Variants in FHIT observed in about 807,000 individuals in gnomAD.
FHIT encodes the protein fragile histidine triad diadenosine triphosphatase.
Under a neutral mutation model 17.9 loss-of-function variants are expected in FHIT, and 19 were observed. The observed-to-expected ratio is 1.06, with a 90% CI of 0.74 to 1.56. The LOEUF (loss-of-function observed/expected upper bound fraction) is 1.56, where lower values mean the gene tolerates loss of function less well. Among genes scored for constraint, FHIT ranks in the 40% most tolerant of loss-of-function variants. The pLI, the probability that FHIT is intolerant of heterozygous loss-of-function variation, is 0.00. For missense variants in FHIT, 248 were observed against 189.2 expected (o/e 1.31, Z -1.82); for synonymous variants, 81 against 69.7 (o/e 1.16, Z -0.81).
At chr3:61,044,529 G>GA (rs1333829092) in intron 2 of FHIT, among the ~76,000 whole-genome samples, 15 of 152,052 alleles carry the variant, frequency 9.9e-5, no homozygotes, top group African/African-American at 3.6e-4. Flanking sequence ...AAAGTGATGA[G>GA]GAGAATGGAA....
intron 3 of FHIT, among the ~76,000 whole-genome samples, chr3:60,994,737 A>T (rs2030526539): frequency 6.6e-6 from 1 of 152,198 alleles, no homozygotes; most frequent in Non-Finnish European, 1.5e-5. Context: ...ACCAATAAAA[A>T]GATGGATAGA....
At chr3:60,875,346 A>G (rs6791272) in intron 3 of FHIT, among the ~76,000 whole-genome samples, 36,225 of 151,928 alleles carry the variant, frequency 0.24, 4,794 homozygotes, top group African/African-American at 0.33. Flanking sequence ...TGACTATCCT[A>G]CTCCCACTTT....
intron 4 of FHIT, among the ~76,000 whole-genome samples, chr3:60,618,956 A>G (rs1388765232): frequency 3.3e-5 from 5 of 151,886 alleles, no homozygotes; most frequent in Non-Finnish European, 4.4e-5. Flanking sequence ...AAAGGCCCCA[A>G]AAAGGAATGC....
At chr3:60,778,922 G>A (rs781847860) in intron 4 of FHIT, among the ~76,000 whole-genome samples, 6 of 152,178 alleles carry the variant, frequency 3.9e-5, no homozygotes, top group Non-Finnish European at 7.3e-5. Flanking sequence ...GGTCAGTAAA[G>A]AATGTCACTT....
chr3:60,875,467 C>G (rs894977074), intron 3 of FHIT, among the ~76,000 whole-genome samples: 1 of 152,148 alleles, frequency 6.6e-6, no homozygotes, highest in East Asian at 1.9e-4. Flanking sequence ...CCTTTTCTGC[C>G]CTCTGCCACA....
rs534066029 is a variant in FHIT, at chr3:59,823,585, TA to T, written c.349-71265del. Among the ~76,000 whole-genome samples, 532 of 149,610 alleles carry T rather than the reference TA, an allele frequency of 3.6e-3. 2 individuals carry two copies. Among genetic ancestry groups the T allele is most frequent in the Non-Finnish European group, 6.1e-3 (411 of 67,206 alleles). ...ATGTGATACACCACAAAAACAGAAT[TA>T]AAAAAAAAATCACATGATCATCTCA... is the stretch of plus-strand genomic sequence containing the variant. On this transcript the variant is annotated intron_variant, in intron 8 of 9. Transcript: ENST00000492590.
intron 8 of FHIT, among the ~76,000 whole-genome samples, chr3:59,871,794 G>C (rs1437560797): frequency 6.6e-6 from 1 of 152,170 alleles, no homozygotes; most frequent in East Asian, 1.9e-4. Flanking sequence ...ACTCCACATA[G>C]AGTTGTTTCT....
At chr3:59,851,961 T>C (rs1309927402) in intron 8 of FHIT, among the ~76,000 whole-genome samples, 2 of 152,198 alleles carry the variant, frequency 1.3e-5, no homozygotes, top group Non-Finnish European at 2.9e-5. Context: ...CCTTTCATCT[T>C]GCTCTAAAAC....
At chr3:60,305,787 G>A (rs766169127) in intron 5 of FHIT, among the ~76,000 whole-genome samples, 9 of 152,072 alleles carry the variant, frequency 5.9e-5, no homozygotes, top group South Asian at 2.1e-4. Context: ...GTCATAACAC[G>A]TATCTCATGC....
At position 60,191,784 on chromosome 3, in the gene FHIT, C is replaced by T. The variant is rs1576283641; in HGVS notation, c.104-177632G>A. Among the ~76,000 whole-genome samples the T allele has an allele frequency of 2.0e-5, 3 of 152,036 alleles. No homozygotes were observed. The East Asian group carries it at 5.8e-4, about 29-fold the overall frequency. On this transcript the variant is annotated intron_variant, in intron 5 of 9. Transcript: ENST00000492590. ...AAAATGTTTCATTTAAAACATAAAG[C>T]ATTGAAAACAGCAAAATGATTTAAA...
chr3:59,956,052 G>C (rs1707377304), intron 7 of FHIT, among the ~76,000 whole-genome samples: 1 of 152,142 alleles, frequency 6.6e-6, no homozygotes, highest in South Asian at 2.1e-4. Flanking sequence ...AAATCCTCTG[G>C]CACAGCTCTC....
rs1317852632 is a variant in FHIT at position 60,565,134 on chromosome 3, G to A, written c.-17-28155C>T. On this transcript the variant is annotated intron_variant, in intron 4 of 9. Coordinates refer to ENST00000492590, the MANE Select transcript of FHIT (RefSeq NM_002012.4). The stretch of plus-strand genomic sequence containing the variant: ...TAGCAATAAAGTATTTTTAATTAAG[G>A]TATGTACACTTTTTAGGAATAATGA... Among the ~76,000 whole-genome samples, 6 of 152,136 alleles carry A rather than the reference G, an allele frequency of 3.9e-5. 1 individual carries two copies. In the East Asian group the frequency reaches 1.2e-3, roughly 29 times the overall value.
At chr3:60,066,186 A>G (rs1191138494) in intron 5 of FHIT, among the ~76,000 whole-genome samples, 1 of 152,110 alleles carries the variant, frequency 6.6e-6, no homozygotes, top group African/African-American at 2.4e-5. Context: ...GGAAATCCCC[A>G]GGTTGTGAGA....
intron 4 of FHIT, among the ~76,000 whole-genome samples, chr3:60,630,200 A>G (rs150172269): frequency 6.6e-6 from 1 of 152,204 alleles, no homozygotes; most frequent in Non-Finnish European, 1.5e-5. Context: ...TCAGAAACCT[A>G]AAGTGTGTAC....
chr3:60,163,207 C>G (rs768867138), intron 5 of FHIT, among the ~76,000 whole-genome samples: 2 of 152,164 alleles, frequency 1.3e-5, no homozygotes, highest in Admixed American at 1.3e-4. Flanking sequence ...CAAACTCACC[C>G]AGGTCCTAAG....
Position 61,209,926 on chromosome 3 carries a change from TC to T in FHIT, c.-212-9262del, listed in dbSNP as rs1386979051. 7.9e-5 allele frequency among the ~76,000 whole-genome samples: 12 copies of T among 152,266 alleles called. No homozygotes were observed. The East Asian group carries it at 2.3e-3, about 29-fold the overall frequency. On this transcript the variant is annotated intron_variant, in intron 1 of 9. Transcript: ENST00000492590. ...TTTCCAGTTTTTCTGCTCTGTTTTT[TC>T]CCCATCTTTGTGGTTTTATCTACCT...
intron 5 of FHIT, among the ~76,000 whole-genome samples, chr3:60,079,805 T>G (rs989166019): frequency 1.3e-5 from 2 of 152,046 alleles, no homozygotes; most frequent in Non-Finnish European, 2.9e-5. Context: ...CAGAAAATTC[T>G]AAGTAAAAAG....
At position 61,014,066 on chromosome 3, in the gene FHIT, A is replaced by G. The variant is rs1575838538; in HGVS notation, c.-111+27981T>C. 2.0e-5 allele frequency among the ~76,000 whole-genome samples: 3 copies of G among 152,264 alleles called. No homozygotes were observed. The South Asian group carries it at 6.2e-4, about 32-fold the overall frequency. On this transcript the variant is annotated intron_variant, in intron 3 of 9. Transcript: ENST00000492590. ...ATCACAGGAAGGGATGAATTTTTCG[A>G]CAGAATACCCACACTCTGCATGACT...
rs1484743077 is a variant in FHIT, at chr3:59,911,721, CA to C, written c.348+10624del. ...AATAACTGAGGTAAAAGTTCTTTCT[CA>C]GGGGGAGGTTTTGACAGGAGGCAGG... On this transcript the variant is annotated intron_variant, in intron 8 of 9. Transcript: ENST00000492590. Among the ~76,000 whole-genome samples, 7 of 152,240 alleles carry C rather than the reference CA, an allele frequency of 4.6e-5. 1 individual carries two copies. Among genetic ancestry groups the C allele is most frequent in the Admixed American group, 4.6e-4 (7 of 15,286 alleles).
Sources: allele counts gnomAD v4.1 joint callset (sites outside exome capture counted in the v4.1 genomes callset), GRCh38; gene constraint gnomAD v4.1.1; transcripts MANE v1.5; gene names NCBI Gene and HGNC (gene_info 2026-07-23, HGNC 2026-07-21).